Variants in CNTNAP5 observed in about 807,000 individuals in gnomAD.
The protein encoded by CNTNAP5 is contactin-associated protein-like 5.
In CNTNAP5, 72 loss-of-function variants were observed where a neutral mutation model predicts 150.2. That is an observed-to-expected ratio of 0.48 (90% confidence interval 0.40 to 0.58). The LOEUF (loss-of-function observed/expected upper bound fraction) is 0.58. CNTNAP5 is among the 20% of genes least tolerant of loss of function. The pLI is 0.00. For synonymous variants in CNTNAP5, 672 were observed against 619.8 expected (o/e 1.08, Z -1.25); for missense variants, 1,636 against 1,626.2 (o/e 1.01, Z -0.10).
chr2:124,172,949 T>G (rs1684970449), intron 1 of CNTNAP5, among the ~76,000 whole-genome samples: 1 of 152,212 alleles, frequency 6.6e-6, no homozygotes, highest in African/African-American at 2.4e-5. Flanking sequence ...GAGCAATCTA[T>G]TGGCACCACC....
chr2:124,765,247 A>G lies in CNTNAP5; in HGVS notation c.2533+1100A>G, dbSNP rs528448703. On this transcript the variant is annotated intron_variant, in intron 16 of 23. Transcript: ENST00000682447. ...GCAAGCAAAAAAATTCTACTACAAT[A>G]ATTTCAACAGAAAATTAATGATAAA... Among the ~76,000 whole-genome samples the G allele has an allele frequency of 5.3e-5, 8 of 152,276 alleles. No homozygotes were observed. In the East Asian group the frequency reaches 1.5e-3, roughly 29 times the overall value.
intron 8 of CNTNAP5, among the ~76,000 whole-genome samples, chr2:124,523,962 GTT>G (rs11351266): frequency 1.8e-4 from 26 of 144,386 alleles, no homozygotes; most frequent in Non-Finnish European, 2.4e-4. Flanking sequence ...GTTTATTTTT[GTT>G]TTTTTTTTTT....
intron 21 of CNTNAP5, among the ~76,000 whole-genome samples, chr2:124,873,571 G>T (rs1335134063): frequency 6.6e-6 from 1 of 152,064 alleles, no homozygotes; most frequent in African/African-American, 2.4e-5. Flanking sequence ...AAGGTAAAGG[G>T]AGACAATATG....
In CNTNAP5 at chr2:124,434,646, T is replaced by G. The variant is rs1386204149; in HGVS notation, c.692T>G (p.Leu231Trp). 6.2e-7 allele frequency: 1 copy of G among 1,613,716 alleles called. No homozygotes were observed. Among genetic ancestry groups the G allele is most frequent in the Admixed American group, 1.7e-5 (1 of 59,950 alleles). ...GEGQRGDHITLELQKGRLALH... is the reference protein window; with the variant it reads ...GEGQRGDHITWELQKGRLALH... ...GGTCAGCGTGGAGACCACATCACCT[T>G]GGAACTCCAGAAGGGGAGGCTCGCC... Residue 231 changes from leucine to tryptophan, a missense_variant, in exon 5 of 24, where the codon TTG becomes TGG. Transcript: ENST00000682447.
chr2:124,479,247 T>C (rs1693711738), intron 7 of CNTNAP5, among the ~76,000 whole-genome samples: 1 of 152,172 alleles, frequency 6.6e-6, no homozygotes, highest in African/African-American at 2.4e-5. Context: ...ATATGTAGTA[T>C]AAGAAATATA....
At chr2:124,110,412 T>TA (rs914647522) in intron 1 of CNTNAP5, among the ~76,000 whole-genome samples, 79 of 151,942 alleles carry the variant, frequency 5.2e-4, no homozygotes, top group African/African-American at 1.9e-3. Context: ...GTTAAAACAA[T>TA]AAAAAAAGGC....
At position 124,510,477 on chromosome 2, in the gene CNTNAP5, GTATATATATATATATATATATATATA is replaced by G. The variant is rs70996072; in HGVS notation, c.1327+5938_1327+5963del. On this transcript the variant is annotated intron_variant, in intron 8 of 23. Transcript: ENST00000682447. ...ACAAAAAAGTAAATTTTATGTATGT[GTATATATATATATATATATATATATA>G]TATATATATATATATACATATATCT... is the stretch of plus-strand genomic sequence containing the variant. Among the ~76,000 whole-genome samples the G allele has an allele frequency of 2.4e-3, 243 of 102,596 alleles. 6 individuals carry two copies. The highest frequency in any genetic ancestry group is 3.6e-3 in the Non-Finnish European group (193 of 53,140). 67.3% of individuals were successfully genotyped at this position (102,596 alleles called of 152,430 possible).
intron 12 of CNTNAP5, among the ~76,000 whole-genome samples, chr2:124,618,690 A>G (rs1221184527): frequency 6.6e-6 from 1 of 152,148 alleles, no homozygotes; most frequent in African/African-American, 2.4e-5. Context: ...AGAAGGCTGG[A>G]GATGTGCAGA....
At chr2:124,770,108 C>G (rs1681158357) in intron 16 of CNTNAP5, among the ~76,000 whole-genome samples, 1 of 151,810 alleles carries the variant, frequency 6.6e-6, no homozygotes, top group Admixed American at 6.6e-5. Flanking sequence ...TTGCAAGGAC[C>G]CTAATAACTT....
At chr2:124,477,683 G>C (rs1352302456) in intron 7 of CNTNAP5, among the ~76,000 whole-genome samples, 1 of 147,468 alleles carries the variant, frequency 6.8e-6, no homozygotes, top group Non-Finnish European at 1.5e-5. Flanking sequence ...TTTGATTCTA[G>C]GTTTGGAGTC....
intron 3 of CNTNAP5, among the ~76,000 whole-genome samples, chr2:124,378,378 C>A (rs1362843337): frequency 6.6e-6 from 1 of 152,102 alleles, no homozygotes; most frequent in African/African-American, 2.4e-5. Flanking sequence ...CTAACTCCCA[C>A]TGGTAGGATT....
chr2:124,384,429 A>C (rs1400959738), intron 3 of CNTNAP5, among the ~76,000 whole-genome samples: 1 of 152,218 alleles, frequency 6.6e-6, no homozygotes, highest in Non-Finnish European at 1.5e-5. Flanking sequence ...AAAAGCTCCT[A>C]TGTAGGATAG....
At chr2:124,311,677 C>A (rs1240105257) in intron 3 of CNTNAP5, among the ~76,000 whole-genome samples, 8 of 152,156 alleles carry the variant, frequency 5.3e-5, no homozygotes, top group Non-Finnish European at 1.0e-4. Flanking sequence ...TCCTTAGGTT[C>A]TCTAATTTTC....
chr2:124,367,220 G>A (rs373481311), intron 3 of CNTNAP5, among the ~76,000 whole-genome samples: 5 of 152,324 alleles, frequency 3.3e-5, no homozygotes, highest in African/African-American at 1.2e-4. Context: ...CATTGGACTG[G>A]TGGCAGGAGG....
intron 6 of CNTNAP5, among the ~76,000 whole-genome samples, chr2:124,460,415 T>A (rs903396906): frequency 2.6e-5 from 4 of 152,186 alleles, no homozygotes; most frequent in Non-Finnish European, 2.9e-5. Flanking sequence ...ATGCACTGAT[T>A]TATTTTTATT....
Position 124,869,766 on chromosome 2 carries a change from T to C in CNTNAP5, c.3436+4T>C. The C allele has an allele frequency of 1.9e-6, 3 of 1,569,600 alleles. No individual in the cohort carries two copies. Among genetic ancestry groups the C allele is most frequent in the South Asian group, 1.1e-5 (1 of 89,888 alleles). The stretch of plus-strand genomic sequence containing the variant: ...CTCACCTTGGGCAAAGTCACAGGTA[T>C]GTTGTTCTAGTTCATACCTTTCCAG... On this transcript the variant is annotated splice_donor_region_variant and intron_variant, in intron 21 of 23. Transcript: ENST00000682447.
intron 3 of CNTNAP5, among the ~76,000 whole-genome samples, chr2:124,311,043 T>C (rs191943989): frequency 6.6e-6 from 1 of 152,336 alleles, no homozygotes; most frequent in East Asian, 1.9e-4. Context: ...TCCAGTACTA[T>C]TGGGTTCCTT....
chr2:124,544,165 C>T (rs11890427), intron 10 of CNTNAP5, among the ~76,000 whole-genome samples: 63,286 of 151,858 alleles, frequency 0.42, 13,655 homozygotes, highest in East Asian at 0.64. Context: ...AACCATCTAA[C>T]AGGTCTTAAG....
At position 124,359,765 on chromosome 2, in the gene CNTNAP5, A is replaced by G. The variant is rs201134061; in HGVS notation, c.382-57678A>G. 9.6e-4 allele frequency among the ~76,000 whole-genome samples: 73 copies of G among 76,018 alleles called. 4 individuals are homozygous for G. In the East Asian group the frequency reaches 0.022, roughly 23 times the overall value. 49.9% of individuals were successfully genotyped at this position (76,018 alleles called of 152,430 possible). A position where few individuals can be genotyped will look rare whatever the true frequency, so the allele number is the denominator to read the frequency against. ...TGGAATAGGTGTGGTGTGGTGCTGA[A>G]AAAAATGTATATTCTGTTGATTTGG... On this transcript the variant is annotated intron_variant, in intron 3 of 23. Coordinates refer to ENST00000682447, the MANE Select transcript of CNTNAP5 (RefSeq NM_001367498.1).
Sources: gnomAD v4.1 joint callset for allele counts (sites outside exome capture counted in the v4.1 genomes callset) on GRCh38, gnomAD v4.1.1 for gene constraint, MANE v1.5 for transcripts, NCBI Gene and HGNC (gene_info 2026-07-23, HGNC 2026-07-21) for gene names.